Variants in PTPRD observed in about 807,000 individuals in gnomAD.
PTPRD encodes receptor-type tyrosine-protein phosphatase delta.
In PTPRD, 34 loss-of-function variants were observed where a neutral mutation model predicts 214.5. That is an observed-to-expected ratio of 0.16 (90% confidence interval 0.12 to 0.21). The LOEUF (loss-of-function observed/expected upper bound fraction) is 0.21, where lower values mean the gene tolerates loss of function less well. Ranked by LOEUF, PTPRD falls within the 10% of genes least tolerant of loss-of-function variation. The pLI is 1.00. For synonymous variants in PTPRD, 1,128 were observed against 845.7 expected (o/e 1.33, Z -5.79); for missense variants, 2,545 against 2,398.7 (o/e 1.06, Z -1.27).
chr9:9,960,537 G>A (rs2382087), intron 4 of PTPRD, among the ~76,000 whole-genome samples: 61,891 of 151,892 alleles, frequency 0.41, 13,562 homozygotes, highest in East Asian at 0.92. Flanking sequence ...ATCAAGGCCA[G>A]TATCAATATG....
intron 2 of PTPRD, among the ~76,000 whole-genome samples, chr9:10,433,993 A>G (rs1379904149): frequency 6.6e-6 from 1 of 151,916 alleles, no homozygotes; most frequent in East Asian, 1.9e-4. Context: ...GACACCTGTG[A>G]TATTTCAGAT....
intron 9 of PTPRD, among the ~76,000 whole-genome samples, chr9:9,338,462 T>A (rs1461856781): frequency 6.6e-6 from 1 of 152,184 alleles, no homozygotes; most frequent in African/African-American, 2.4e-5. Context: ...CTTTAGGTTT[T>A]TTTAGTTAAA....
intron 35 of PTPRD, among the ~76,000 whole-genome samples, chr9:8,430,931 T>C (rs1427118461): frequency 2.0e-5 from 3 of 152,222 alleles, no homozygotes; most frequent in African/African-American, 7.2e-5. Flanking sequence ...TTGTATATAC[T>C]TGTCTTTGAC....
chr9:8,887,680 G>T (rs550988293), intron 11 of PTPRD, among the ~76,000 whole-genome samples: 1 of 152,220 alleles, frequency 6.6e-6, no homozygotes, highest in South Asian at 2.1e-4. Flanking sequence ...ACAAAGAGAT[G>T]AGATTTTTAC....
chr9:8,925,959 A>G (rs1446212145), intron 11 of PTPRD, among the ~76,000 whole-genome samples: 2 of 148,682 alleles, frequency 1.3e-5, no homozygotes, highest in East Asian at 3.9e-4. Flanking sequence ...CTTGTTTACA[A>G]TCCTTCATCA....
At chr9:8,996,370 T>A (rs987977876) in intron 11 of PTPRD, among the ~76,000 whole-genome samples, 7 of 151,744 alleles carry the variant, frequency 4.6e-5, no homozygotes, top group Middle Eastern at 3.2e-3. Context: ...GCAGCCAGAG[T>A]CAAGGGTTAC....
chr9:9,699,573 C>G (rs192858152), intron 7 of PTPRD, among the ~76,000 whole-genome samples: 5 of 152,042 alleles, frequency 3.3e-5, no homozygotes, highest in South Asian at 4.1e-4. Flanking sequence ...TTTTACCCCC[C>G]CAATACAGCT....
chr9:8,750,460 G>GT (rs112945365), intron 11 of PTPRD, among the ~76,000 whole-genome samples: 8,730 of 152,052 alleles, frequency 0.057, 642 homozygotes, highest in African/African-American at 0.17. Context: ...GCCCGGCCAA[G>GT]TAAGTTTTTT....
chr9:8,599,809 G>C (rs980808153), intron 14 of PTPRD, among the ~76,000 whole-genome samples: 3 of 151,820 alleles, frequency 2.0e-5, no homozygotes, highest in Non-Finnish European at 4.4e-5. Context: ...TAGAGACGGG[G>C]CTTCTCCATG....
intron 9 of PTPRD, among the ~76,000 whole-genome samples, chr9:9,313,941 G>C (rs1390952102): frequency 1.3e-5 from 2 of 152,052 alleles, no homozygotes; most frequent in East Asian, 3.9e-4. Context: ...TTTGTCTGTG[G>C]ATTCTTTCCA....
Position 9,159,518 on chromosome 9 carries a change from A to G in PTPRD, c.-143+23786T>C, listed in dbSNP as rs558103954. Among the ~76,000 whole-genome samples, 9 of 152,298 alleles carry G rather than the reference A, an allele frequency of 5.9e-5. No homozygotes were observed. In the East Asian group the frequency reaches 1.7e-3, roughly 29 times the overall value. On this transcript the variant is annotated intron_variant, in intron 10 of 45. Coordinates refer to ENST00000381196, the MANE Select transcript of PTPRD (RefSeq NM_002839.4). ...TTAATCATGGAGGTGAAAGATCTGT[A>G]TACTGAAAACTAGAAAACACTGAAG...
chr9:9,984,078 C>T (rs1444069796), intron 4 of PTPRD, among the ~76,000 whole-genome samples: 1 of 151,946 alleles, frequency 6.6e-6, no homozygotes, highest in Non-Finnish European at 1.5e-5. Context: ...TTTATTCATA[C>T]TGTTTTTTCT....
chr9:10,578,343 G>A (rs1172880246), intron 2 of PTPRD, among the ~76,000 whole-genome samples: 1 of 152,024 alleles, frequency 6.6e-6, no homozygotes, highest in Non-Finnish European at 1.5e-5. Flanking sequence ...TACAGAACCA[G>A]TAAAATTCAT....
chr9:9,092,277 G>A (rs2099777337), intron 10 of PTPRD, among the ~76,000 whole-genome samples: 1 of 152,100 alleles, frequency 6.6e-6, no homozygotes, highest in South Asian at 2.1e-4. Flanking sequence ...ATATTGAATA[G>A]GTGATTCTTC....
At chr9:9,480,743 A>G (rs1332192) in intron 8 of PTPRD, among the ~76,000 whole-genome samples, 86,115 of 151,844 alleles carry the variant, frequency 0.57, 24,606 homozygotes, top group East Asian at 0.69. Flanking sequence ...AGGATGCAAT[A>G]GTCTTGATAA....
At chr9:10,090,919 TACACACACAC>T (rs1162698970) in intron 3 of PTPRD, among the ~76,000 whole-genome samples, 27 of 99,584 alleles carry the variant, frequency 2.7e-4, no homozygotes, top group African/African-American at 4.4e-4. Context: ...AAATGAAATA[TACACACACAC>T]ACACACACAC....
intron 5 of PTPRD, among the ~76,000 whole-genome samples, chr9:9,819,452 A>T (rs2049951633): frequency 6.6e-6 from 1 of 152,184 alleles, no homozygotes. Flanking sequence ...ATTAATTTCT[A>T]CTGCATATAT....
At chr9:8,515,502 CA>C (rs1260683756) in intron 21 of PTPRD, among the ~76,000 whole-genome samples, 1 of 152,062 alleles carries the variant, frequency 6.6e-6, no homozygotes, top group Non-Finnish European at 1.5e-5. Flanking sequence ...AACCTTATTT[CA>C]ATATAGGATC....
At chr9:9,017,288 A>T (rs957259133) in intron 11 of PTPRD, among the ~76,000 whole-genome samples, 17 of 152,128 alleles carry the variant, frequency 1.1e-4, no homozygotes, top group African/African-American at 3.6e-4. Flanking sequence ...ATCTTGCTGA[A>T]TTTTTATGAT....
Sources: allele counts gnomAD v4.1 joint callset (sites outside exome capture counted in the v4.1 genomes callset), GRCh38; gene constraint gnomAD v4.1.1; transcripts MANE v1.5; gene names NCBI Gene and HGNC (gene_info 2026-07-23, HGNC 2026-07-21).